The following TRPM3 variants were observed in gnomAD, a reference collection of about 807,000 sequenced individuals.
TRPM3 encodes the protein transient receptor potential cation channel subfamily M member 3.
A neutral mutation model predicts 181.2 loss-of-function variants in TRPM3; 77 were observed. That is an observed-to-expected ratio of 0.42 (90% CI 0.35 to 0.51). The LOEUF is 0.51. Among genes scored for constraint, TRPM3 ranks in the 20% least tolerant of loss-of-function variants. The pLI is 0.01. For missense variants in TRPM3, 1,759 were observed against 2,196.7 expected (o/e 0.80, Z 3.98); for synonymous variants, 745 against 796.4 (o/e 0.94, Z 1.09).
At chr9:70,885,444 C>T (rs1427162231) in intron 1 of TRPM3, among the ~76,000 whole-genome samples, 1 of 152,176 alleles carries the variant, frequency 6.6e-6, no homozygotes, top group Non-Finnish European at 1.5e-5. Context: ...ATGAGTTAGT[C>T]TCTTCATCCA....
intron 1 of TRPM3, among the ~76,000 whole-genome samples, chr9:71,286,021 A>AT (rs1366471132): frequency 7.0e-6 from 1 of 143,520 alleles, no homozygotes; most frequent in East Asian, 1.9e-4. Context: ...AAGCCATGTG[A>AT]TTTTCAGGGA....
chr9:70,831,618 A>G (rs1236834079), intron 5 of TRPM3, among the ~76,000 whole-genome samples: 1 of 152,000 alleles, frequency 6.6e-6, no homozygotes, highest in East Asian at 1.9e-4. Context: ...GAAGACAGTC[A>G]CTCAAACAAT....
At position 71,162,423 on chromosome 9, in the gene TRPM3, T is replaced by C. The variant is rs567101240; in HGVS notation, c.183+284230A>G. ...GATAAGAAAAACACTGTAGTTTCAA[T>C]CATTTAGATCACTAGTTTTTCTGTA... On this transcript the variant is annotated intron_variant, in intron 1 of 24. Coordinates refer to the TRPM3 transcript ENST00000357533. Among the ~76,000 whole-genome samples the C allele has an allele frequency of 2.0e-5, 3 of 152,156 alleles. No homozygotes were observed. In the South Asian group the frequency reaches 6.2e-4, roughly 32 times the overall value.
rs1192847151 is a variant in TRPM3 at position 70,797,682 on chromosome 9, C to T, written c.974-13403G>A. Among the ~76,000 whole-genome samples, 4 of 152,326 alleles carry T rather than the reference C, an allele frequency of 2.6e-5. No individual in the cohort carries two copies. In the South Asian group the frequency reaches 8.3e-4, roughly 32 times the overall value. On this transcript the variant is annotated intron_variant, in intron 6 of 25. Transcript: ENST00000677713. ...TTCAAGAGAAGGAATTTTTCCTATG[C>T]ACACCCTTGGACGTTCTCTGCCCCT... is the stretch of plus-strand genomic sequence containing the variant.
intron 1 of TRPM3, among the ~76,000 whole-genome samples, chr9:70,937,118 C>T (rs1225396417): frequency 6.6e-6 from 1 of 152,142 alleles, no homozygotes; most frequent in Non-Finnish European, 1.5e-5. Context: ...GACGCAGCTT[C>T]ACCACATGGC....
At chr9:70,632,316 C>G (rs1358977296) in intron 12 of TRPM3, among the ~76,000 whole-genome samples, 1 of 152,048 alleles carries the variant, frequency 6.6e-6, no homozygotes, top group South Asian at 2.1e-4. Flanking sequence ...TTAACTTCTC[C>G]CTTATTCACT....
intron 1 of TRPM3, among the ~76,000 whole-genome samples, chr9:71,019,327 T>C (rs567943894): frequency 6.6e-6 from 1 of 152,056 alleles, no homozygotes; most frequent in South Asian, 2.1e-4. Context: ...TATGACTAAA[T>C]ATAGAAAAGA....
At chr9:70,809,543 A>G (rs1326637269) in intron 6 of TRPM3, among the ~76,000 whole-genome samples, 1 of 152,204 alleles carries the variant, frequency 6.6e-6, no homozygotes, top group Non-Finnish European at 1.5e-5. Flanking sequence ...TCACTACCAC[A>G]TAGTAACATG....
intron 1 of TRPM3, among the ~76,000 whole-genome samples, chr9:71,027,805 T>G (rs1307373875): frequency 6.6e-6 from 1 of 152,072 alleles, no homozygotes; most frequent in Admixed American, 6.5e-5. Context: ...CTCTGAGAAA[T>G]ATGGGATTAT....
chr9:70,983,873 C>T (rs1369894224), intron 1 of TRPM3, among the ~76,000 whole-genome samples: 2 of 152,140 alleles, frequency 1.3e-5, no homozygotes, highest in Non-Finnish European at 2.9e-5. Flanking sequence ...GGACTGGTTG[C>T]CAGAGACAGT....
chr9:71,203,609 T>G (rs1196064066), intron 1 of TRPM3, among the ~76,000 whole-genome samples: 1 of 152,192 alleles, frequency 6.6e-6, no homozygotes, highest in African/African-American at 2.4e-5. Flanking sequence ...CTGTGTGACC[T>G]TAGGCATGTT....
At chr9:71,042,554 T>C (rs1292782152) in intron 1 of TRPM3, among the ~76,000 whole-genome samples, 2 of 152,210 alleles carry the variant, frequency 1.3e-5, no homozygotes, top group African/African-American at 4.8e-5. Flanking sequence ...CCATCTCTTT[T>C]CTTCTTACAA....
intron 1 of TRPM3, among the ~76,000 whole-genome samples, chr9:70,906,309 C>G (rs1272192122): frequency 6.6e-6 from 1 of 151,942 alleles, no homozygotes; most frequent in East Asian, 1.9e-4. Context: ...AAAAGAAAAT[C>G]TCGAAATGGA....
At chr9:70,928,947 C>A (rs2096747841) in intron 1 of TRPM3, among the ~76,000 whole-genome samples, 1 of 152,118 alleles carries the variant, frequency 6.6e-6, no homozygotes, top group South Asian at 2.1e-4. Flanking sequence ...CCTGACACAG[C>A]ATAAAGTTTG....
intron 8 of TRPM3, among the ~76,000 whole-genome samples, chr9:70,701,796 A>G (rs1228175185): frequency 6.6e-6 from 1 of 152,238 alleles, no homozygotes; most frequent in African/African-American, 2.4e-5. Flanking sequence ...AATAGAAGTG[A>G]GCTCTTAACA....
At chr9:71,217,424 T>A (rs983749085) in intron 1 of TRPM3, among the ~76,000 whole-genome samples, 4 of 152,154 alleles carry the variant, frequency 2.6e-5, no homozygotes, top group African/African-American at 9.7e-5. Context: ...AAGGGATGTT[T>A]AGTGTTTGGC....
intron 1 of TRPM3, among the ~76,000 whole-genome samples, chr9:71,046,901 C>T (rs909644956): frequency 1.3e-5 from 2 of 152,078 alleles, no homozygotes; most frequent in African/African-American, 2.4e-5. Context: ...TTTCTAAATG[C>T]CATAAAGTTC....
chr9:70,907,762 G>A (rs2096487720), intron 1 of TRPM3, among the ~76,000 whole-genome samples: 2 of 152,090 alleles, frequency 1.3e-5, no homozygotes, highest in African/African-American at 4.8e-5. Flanking sequence ...GTGCCCGTGT[G>A]TACCCAATGT....
At chr9:71,310,125 A>C (rs2087774216) in intron 1 of TRPM3, among the ~76,000 whole-genome samples, 1 of 152,118 alleles carries the variant, frequency 6.6e-6, no homozygotes, top group Non-Finnish European at 1.5e-5. Context: ...GGAAAGAAAC[A>C]AGTCAAAAGC....
Sources: gnomAD v4.1 joint callset for allele counts (sites outside exome capture counted in the v4.1 genomes callset) on GRCh38, gnomAD v4.1.1 for gene constraint, MANE v1.5 for transcripts, NCBI Gene and HGNC (gene_info 2026-07-23, HGNC 2026-07-21) for gene names.